The following PHKB variants were observed in gnomAD, a reference collection of about 807,000 sequenced individuals.
The protein encoded by PHKB is phosphorylase kinase regulatory subunit beta, also known as phosphorylase b kinase regulatory subunit beta.
Under a neutral mutation model 152.1 loss-of-function variants are expected in PHKB, and 122 were observed. The observed-to-expected ratio is 0.80, with a 90% CI of 0.69 to 0.93. The LOEUF is 0.93. PHKB is among the 40% of genes least tolerant of loss of function. The pLI is 0.00. For missense variants in PHKB, 1,304 were observed against 1,328.4 expected (o/e 0.98, Z 0.29); for synonymous variants, 436 against 464.9 (o/e 0.94, Z 0.80).
chr16:47,624,376 A>G (rs1037795360), intron 14 of PHKB, among the ~76,000 whole-genome samples: 3 of 152,212 alleles, frequency 2.0e-5, no homozygotes, highest in African/African-American at 4.8e-5. Flanking sequence ...GAATAACCCT[A>G]TGTAGCAGAA....
chr16:47,648,924 T>C (rs758156019), intron 17 of PHKB, among the ~76,000 whole-genome samples, 176 bp from the exon 18 acceptor site: 8 of 152,248 alleles, frequency 5.3e-5, no homozygotes, highest in Non-Finnish European at 1.2e-4. Context: ...ATTGGTATAC[T>C]GATTCCATCA....
intron 14 of PHKB, among the ~76,000 whole-genome samples, chr16:47,631,274 T>C (rs1972821637): frequency 1.3e-5 from 2 of 152,218 alleles, no homozygotes; most frequent in African/African-American, 4.8e-5. Flanking sequence ...GGTTAAACTC[T>C]ATCACTGACT....
intron 7 of PHKB, among the ~76,000 whole-genome samples, chr16:47,573,060 T>A (rs1971689703): frequency 6.6e-6 from 1 of 152,142 alleles, no homozygotes; most frequent in South Asian, 2.1e-4. Context: ...CCTTCAACCC[T>A]TGTGTCTTCT....
chr16:47,471,094 T>C (rs942725568), intron 1 of PHKB, among the ~76,000 whole-genome samples: 3 of 152,178 alleles, frequency 2.0e-5, no homozygotes, highest in African/African-American at 7.2e-5. Context: ...TCATCAGCTC[T>C]CTGTCTCCTG....
chr16:47,492,950 A>C lies in PHKB; in HGVS notation c.77-4449A>C, dbSNP rs550493131. On this transcript the variant is annotated intron_variant, in intron 1 of 30. Coordinates refer to ENST00000323584, the MANE Select transcript of PHKB (RefSeq NM_000293.3). Reference sequence around the variant, plus strand: ...AGGCTTGCAGGCACTTTAAAGGGCAAGAAAAATTTATCGGGCAAAAAGGAA... The same window carrying C: ...AGGCTTGCAGGCACTTTAAAGGGCACGAAAAATTTATCGGGCAAAAAGGAA... Among the ~76,000 whole-genome samples the C allele has an allele frequency of 3.9e-4, 60 of 152,354 alleles. 2 individuals are homozygous for C. The highest frequency in any genetic ancestry group is 3.9e-3 in the Admixed American group (60 of 15,308).
chr16:47,607,874 C>A (rs979415119), intron 13 of PHKB, among the ~76,000 whole-genome samples: 2 of 152,058 alleles, frequency 1.3e-5, no homozygotes, highest in Non-Finnish European at 2.9e-5. Flanking sequence ...TAATTGTAGC[C>A]TTCCTAATGG....
intron 7 of PHKB, chr16:47,565,864 CA>C: frequency 2.4e-6 from 3 of 1,244,402 alleles, no homozygotes; most frequent in Non-Finnish European, 3.4e-6. Context: ...GAGGTACTAG[CA>C]GAGGAATTAT....
At chr16:47,621,848 T>C (rs1290429913) in intron 14 of PHKB, among the ~76,000 whole-genome samples, 1 of 152,186 alleles carries the variant, frequency 6.6e-6, no homozygotes, top group Admixed American at 6.6e-5. Flanking sequence ...TATCAATTGG[T>C]ATTTATACCT....
At chr16:47,527,635 C>T (rs1278979459) in intron 6 of PHKB, among the ~76,000 whole-genome samples, 8 of 152,200 alleles carry the variant, frequency 5.3e-5, no homozygotes, top group East Asian at 1.9e-4. Context: ...AATTATGTCC[C>T]GTCAAAATTC....
At chr16:47,530,205 G>A (rs1040376200) in intron 6 of PHKB, among the ~76,000 whole-genome samples, 4 of 147,340 alleles carry the variant, frequency 2.7e-5, no homozygotes, top group Non-Finnish European at 5.9e-5. Context: ...GCATGATCTC[G>A]GCTTACTGCA....
At chr16:47,663,497 G>T (rs1177927180) in intron 23 of PHKB, among the ~76,000 whole-genome samples, 180 bp from the exon 24 acceptor site, 2 of 152,126 alleles carry the variant, frequency 1.3e-5, no homozygotes, top group Non-Finnish European at 2.9e-5. Flanking sequence ...ATCAAGTGCT[G>T]GGGATAGTCA....
chr16:47,482,901 A>AGG lies in PHKB; in HGVS notation c.77-14497_77-14496dup, dbSNP rs200647984. Among the ~76,000 whole-genome samples the AGG allele has an allele frequency of 7.5e-3, 1,127 of 151,172 alleles. 18 individuals carry two copies. The highest frequency in any genetic ancestry group is 0.026 in the African/African-American group (1,069 of 41,152). On this transcript the variant is annotated intron_variant, in intron 1 of 30. Coordinates refer to ENST00000323584, the MANE Select transcript of PHKB (RefSeq NM_000293.3). ...ATGCCTGACTAAATTTTGTATTTTTAGGAGAGATGGGGTTTTGCCATGTTG... is the reference window on the plus strand; with the variant it reads ...ATGCCTGACTAAATTTTGTATTTTTAGGGGAGAGATGGGGTTTTGCCATGTTG...
chr16:47,548,623 GAAACACTGTAGA>G (rs1426932657), intron 7 of PHKB, among the ~76,000 whole-genome samples: 5 of 144,498 alleles, frequency 3.5e-5, no homozygotes, highest in African/African-American at 5.1e-5. Context: ...AAAAAAAAAA[GAAACACTGTAGA>G]AAACACTGGT....
At chr16:47,682,351 A>G (rs1307844227) in intron 26 of PHKB, among the ~76,000 whole-genome samples, 1 of 152,176 alleles carries the variant, frequency 6.6e-6, no homozygotes, top group East Asian at 1.9e-4. Flanking sequence ...CATATCCCTC[A>G]GAGTGTTTTC....
At chr16:47,522,671 G>T (rs1474930128) in intron 6 of PHKB, among the ~76,000 whole-genome samples, 2 of 150,822 alleles carry the variant, frequency 1.3e-5, no homozygotes, top group Non-Finnish European at 1.5e-5. Context: ...TAAAATACAG[G>T]CATTTTCAAT....
chr16:47,472,768 C>G (rs970540122), intron 1 of PHKB, among the ~76,000 whole-genome samples: 1 of 150,748 alleles, frequency 6.6e-6, no homozygotes, highest in Non-Finnish European at 1.5e-5. Flanking sequence ...GGCGACAGGG[C>G]GAGACTCCAT....
At chr16:47,605,025 C>G (rs1428707532) in intron 13 of PHKB, among the ~76,000 whole-genome samples, 1 of 152,130 alleles carries the variant, frequency 6.6e-6, no homozygotes, top group Non-Finnish European at 1.5e-5. Context: ...ATAAAGAACT[C>G]TATTTTTGCC....
chr16:47,602,467 A>G (rs919054289), intron 13 of PHKB, among the ~76,000 whole-genome samples: 1 of 151,824 alleles, frequency 6.6e-6, no homozygotes, highest in Non-Finnish European at 1.5e-5. Context: ...GCAAACTTGT[A>G]ACCATGGGGT....
At chr16:47,610,771 T>C in intron 13 of PHKB, 55 bp from the exon 14 acceptor site, 1 of 962,486 alleles carries the variant, frequency 1.0e-6, no homozygotes, top group Non-Finnish European at 1.7e-6. Context: ...TCTAGTTGGT[T>C]TATAGTGTTA....
Sources: allele counts gnomAD v4.1 joint callset (sites outside exome capture counted in the v4.1 genomes callset), GRCh38; gene constraint gnomAD v4.1.1; transcripts MANE v1.5; gene names NCBI Gene and HGNC (gene_info 2026-07-23, HGNC 2026-07-21).